The following HTR4 variants were observed in gnomAD, a reference collection of about 807,000 sequenced individuals.
HTR4 encodes the protein 5-hydroxytryptamine receptor 4.
HTR4 carries 16 observed loss-of-function variants against 36.8 expected under a neutral mutation model. The ratio of observed to expected loss-of-function variants is 0.43; its 90% CI spans 0.29 to 0.66. HTR4 has a LOEUF of 0.66. Ranked by LOEUF, HTR4 falls within the 30% of genes least tolerant of loss-of-function variation. The pLI is 0.13. For missense variants in HTR4, 438 were observed against 490.9 expected, an observed-to-expected ratio of 0.89 and a Z score of 1.02; for synonymous variants, 189 against 185.1, an observed-to-expected ratio of 1.02 and a Z score of -0.17.
chr5:148,456,054 G>C (rs987713819), intron 5 of HTR4, among the ~76,000 whole-genome samples: 2 of 152,062 alleles, frequency 1.3e-5, no homozygotes, highest in Non-Finnish European at 2.9e-5. Flanking sequence ...CAACATTTGA[G>C]TGGTTCCTCT....
At chr5:148,605,436 T>G (rs889863006) in intron 2 of HTR4, among the ~76,000 whole-genome samples, 7 of 151,536 alleles carry the variant, frequency 4.6e-5, no homozygotes, top group Admixed American at 1.3e-4. Flanking sequence ...TTTTTGTATT[T>G]TTGTAGAGAT....
chr5:148,487,771 G>A (rs922658959), intron 6 of HTR4, among the ~76,000 whole-genome samples: 4 of 150,688 alleles, frequency 2.7e-5, no homozygotes, highest in African/African-American at 2.4e-5. Context: ...TAGAGAGAGC[G>A]AGCTTAGAGA....
chr5:148,499,924 C>T (rs558062551), intron 6 of HTR4, among the ~76,000 whole-genome samples: 13 of 152,238 alleles, frequency 8.5e-5, no homozygotes, highest in African/African-American at 2.9e-4. Flanking sequence ...TGTATGAACC[C>T]CCCTTCATCT....
At chr5:148,545,550 T>A (rs1379647836) in intron 4 of HTR4, among the ~76,000 whole-genome samples, 3 of 152,056 alleles carry the variant, frequency 2.0e-5, no homozygotes, top group Non-Finnish European at 4.4e-5. Context: ...AGGAGAAAAA[T>A]GGTTTTGATG....
chr5:148,557,005 A>G (rs1581473049), intron 2 of HTR4, among the ~76,000 whole-genome samples: 1 of 152,314 alleles, frequency 6.6e-6, no homozygotes, highest in East Asian at 1.9e-4. Context: ...AAGATTTTTC[A>G]TGTTCACTAT....
chr5:148,599,737 A>G (rs1329521934), intron 2 of HTR4, among the ~76,000 whole-genome samples: 1 of 152,126 alleles, frequency 6.6e-6, no homozygotes. Flanking sequence ...ATTTATTACT[A>G]TACAAACAAT....
intron 2 of HTR4, among the ~76,000 whole-genome samples, chr5:148,576,123 AAAAAAAAAAAC>A (rs1424777886): frequency 8.9e-5 from 13 of 145,858 alleles, no homozygotes; most frequent in Non-Finnish European, 1.4e-4. Flanking sequence ...AAAAAAAAAA[AAAAAAAAAAAC>A]AAAATCAATG....
At chr5:148,587,645 ATCT>A (rs1168029925) in intron 2 of HTR4, among the ~76,000 whole-genome samples, 1 of 152,088 alleles carries the variant, frequency 6.6e-6, no homozygotes, top group African/African-American at 2.4e-5. Flanking sequence ...TTGTGTCTGT[ATCT>A]TTTCTGTCAC....
chr5:148,589,856 C>T (rs1356891104), intron 2 of HTR4, among the ~76,000 whole-genome samples: 1 of 152,066 alleles, frequency 6.6e-6, no homozygotes, highest in African/African-American at 2.4e-5. Flanking sequence ...GTGTTGGGAA[C>T]ATATGAGATC....
intron 2 of HTR4, among the ~76,000 whole-genome samples, chr5:148,595,084 T>G (rs963715639): frequency 1.3e-5 from 2 of 151,760 alleles, no homozygotes; most frequent in Non-Finnish European, 2.9e-5. Context: ...GAAAACAGTT[T>G]TTTTTTTTTT....
At position 148,609,406 on chromosome 5, in the gene HTR4, A is replaced by G. The variant is rs377029044; in HGVS notation, c.26+27583T>C. On this transcript the variant is annotated intron_variant, in intron 2 of 6. Transcript: ENST00000377888. ...TCTTCTAATTCTGGTGATCAAGGATATGAATTTTTGAATTTTCAAACATCA... is the reference window on the plus strand; with the variant it reads ...TCTTCTAATTCTGGTGATCAAGGATGTGAATTTTTGAATTTTCAAACATCA... Among the ~76,000 whole-genome samples the G allele has an allele frequency of 1.5e-4, 23 of 152,288 alleles. No individual in the cohort carries two copies. The East Asian group carries it at 4.2e-3, about 28-fold the overall frequency.
At chr5:148,497,178 G>GTTTTAT (rs199995313) in intron 6 of HTR4, among the ~76,000 whole-genome samples, 8 of 152,134 alleles carry the variant, frequency 5.3e-5, no homozygotes, top group Non-Finnish European at 7.4e-5. Context: ...TGTGGATGGT[G>GTTTTAT]TTTTATTTTT....
At chr5:148,521,003 G>T in intron 5 of HTR4, 1 of 1,367,252 alleles carries the variant, frequency 7.3e-7, no homozygotes, top group Non-Finnish European at 9.8e-7. Flanking sequence ...CTAAGAATGC[G>T]GTGAAAAGAG....
intron 5 of HTR4, chr5:148,451,394 T>A: frequency 2.0e-6 from 3 of 1,523,990 alleles, no homozygotes; most frequent in South Asian, 2.5e-5. Flanking sequence ...TATGGTGAAG[T>A]GGGAGTGGGG....
chr5:148,477,550 A>G (rs1372979762), downstream of HTR4, among the ~76,000 whole-genome samples: 1 of 152,220 alleles, frequency 6.6e-6, no homozygotes, highest in Non-Finnish European at 1.5e-5. Flanking sequence ...TAATTTCTGC[A>G]TCCTTGGAAA....
chr5:148,573,824 G>A (rs1203628895), intron 2 of HTR4, among the ~76,000 whole-genome samples: 1 of 151,600 alleles, frequency 6.6e-6, no homozygotes. Flanking sequence ...AAAAGTTAAA[G>A]GAGTGCAGGT....
intron 2 of HTR4, among the ~76,000 whole-genome samples, chr5:148,591,703 T>G (rs750663423): frequency 6.6e-6 from 1 of 152,126 alleles, no homozygotes; most frequent in South Asian, 2.1e-4. Flanking sequence ...TGAACAATAC[T>G]CAGTATCACT....
At chr5:148,574,693 C>T (rs1019491543) in intron 2 of HTR4, among the ~76,000 whole-genome samples, 5 of 152,070 alleles carry the variant, frequency 3.3e-5, no homozygotes, top group African/African-American at 1.2e-4. Flanking sequence ...CATCACACCA[C>T]CACTACTTGC....
intron 6 of HTR4, chr5:148,484,514 A>G (rs563115006): frequency 5.7e-5 from 44 of 768,732 alleles, no homozygotes; most frequent in Non-Finnish European, 8.9e-5. Flanking sequence ...TACTATCTCC[A>G]GGCTTCCACC....
Sources: gnomAD v4.1 joint callset for allele counts (sites outside exome capture counted in the v4.1 genomes callset) on GRCh38, gnomAD v4.1.1 for gene constraint, MANE v1.5 for transcripts, NCBI Gene and HGNC (gene_info 2026-07-23, HGNC 2026-07-21) for gene names.